Variants in PVT1 observed in about 807,000 individuals in gnomAD.
The protein encoded by PVT1 is Pvt1 oncogene.
intron 2 of PVT1, among the ~76,000 whole-genome samples, chr8:127,822,512 G>T (rs1056702036): frequency 6.6e-5 from 10 of 152,196 alleles, no homozygotes; most frequent in African/African-American, 2.2e-4. Context: ...GGGAGGTGGA[G>T]GTTGCAGTGA....
Position 127,849,508 on chromosome 8 carries a change from A to C in PVT1, n.373-41081A>C, listed in dbSNP as rs191700791. On this transcript the variant is annotated intron_variant and non_coding_transcript_variant, in intron 2 of 10. Transcript: ENST00000651587. ...AAACTCCTAGGGCCTTGCCGTTCCT[A>C]TGAAGTGGTAGCTATCATTCACACT... 3.2e-3 allele frequency among the ~76,000 whole-genome samples: 487 copies of C among 152,338 alleles called. 1 individual carries two copies. Among genetic ancestry groups the C allele is most frequent in the African/African-American group, 0.011 (470 of 41,572 alleles).
chr8:127,953,271 C>G (rs1405311726), intron 3 of PVT1, among the ~76,000 whole-genome samples: 2 of 152,112 alleles, frequency 1.3e-5, no homozygotes, highest in Non-Finnish European at 2.9e-5. Flanking sequence ...GGGAGATCAC[C>G]CTACTGCAAC....
intron 4 of PVT1, among the ~76,000 whole-genome samples, chr8:128,056,784 T>C (rs1463037920): frequency 6.6e-6 from 1 of 152,192 alleles, no homozygotes; most frequent in Non-Finnish European, 1.5e-5. Flanking sequence ...ATTTCACGAG[T>C]TGCTCCGGGG....
intron 2 of PVT1, among the ~76,000 whole-genome samples, chr8:127,801,770 C>T (rs1279181382): frequency 6.6e-6 from 1 of 152,002 alleles, no homozygotes; most frequent in Non-Finnish European, 1.5e-5. Flanking sequence ...AAACTGTGCT[C>T]TCCATATGGT....
rs112113829 is a variant in PVT1, at chr8:127,898,179, T to C, written n.782+7181T>C. ...TCTGAACCTGAGTGAAGAAATATACTCTGTCCTTTGTACCTGCGTGAAGAA... is the reference window on the plus strand; with the variant it reads ...TCTGAACCTGAGTGAAGAAATATACCCTGTCCTTTGTACCTGCGTGAAGAA... On this transcript the variant is annotated intron_variant and non_coding_transcript_variant, in intron 3 of 10. Transcript: ENST00000651587. The surrounding 1 kb of genome is among the most constrained non-coding windows in gnomAD (Gnocchi z 4.4). Among the ~76,000 whole-genome samples, 1 of 145,692 alleles carries C rather than the reference T, an allele frequency of 6.9e-6. No homozygotes were observed. The highest frequency in any genetic ancestry group is 2.2e-4 in the South Asian group (1 of 4,570).
At chr8:128,080,256 G>T (rs1031596722) in intron 5 of PVT1, among the ~76,000 whole-genome samples, 2 of 152,150 alleles carry the variant, frequency 1.3e-5, no homozygotes, top group African/African-American at 4.8e-5. Flanking sequence ...AAATATCAAG[G>T]TGTTCTGTTG....
intron 4 of PVT1, among the ~76,000 whole-genome samples, chr8:128,006,221 A>T (rs367871927): frequency 5.7e-4 from 87 of 151,678 alleles, no homozygotes; most frequent in African/African-American, 2.1e-3. Flanking sequence ...CAGCAATCCC[A>T]CTTCTCGGAG....
intron 2 of PVT1, among the ~76,000 whole-genome samples, chr8:127,801,361 C>T (rs999356156): frequency 6.6e-6 from 1 of 152,120 alleles, no homozygotes; most frequent in Non-Finnish European, 1.5e-5. Context: ...TACACCTCAG[C>T]CTCCTGAGTA....
chr8:127,983,247 A>G (rs1816905303), intron 3 of PVT1, among the ~76,000 whole-genome samples: 1 of 152,208 alleles, frequency 6.6e-6, no homozygotes, highest in South Asian at 2.1e-4. Context: ...CATGGGCTGT[A>G]GGAACAGTAG....
intron 4 of PVT1, among the ~76,000 whole-genome samples, chr8:128,041,441 G>A (rs1813538833): frequency 6.6e-6 from 1 of 150,782 alleles, no homozygotes; most frequent in South Asian, 2.1e-4. Context: ...GTGTGCATGT[G>A]TATGTGTTTG....
At chr8:127,833,947 G>C (rs1814881244) in intron 2 of PVT1, among the ~76,000 whole-genome samples, 2 of 152,130 alleles carry the variant, frequency 1.3e-5, no homozygotes, top group Admixed American at 1.3e-4. Flanking sequence ...TTAGGATGAG[G>C]CCTGAGAATT....
intron 2 of PVT1, among the ~76,000 whole-genome samples, chr8:127,890,305 A>G (rs1421679022): frequency 6.6e-6 from 1 of 152,168 alleles, no homozygotes; most frequent in Non-Finnish European, 1.5e-5. Flanking sequence ...TCTCAACTTT[A>G]TAATGGATGC....
At chr8:128,048,650 T>A (rs910215796) in intron 4 of PVT1, 4 of 152,364 alleles carry the variant, frequency 2.6e-5, no homozygotes, top group African/African-American at 9.6e-5. Context: ...CGCTCCAGCA[T>A]GGCTGCCTGT....
intron 4 of PVT1, among the ~76,000 whole-genome samples, chr8:127,998,690 T>A (rs961925408): frequency 6.7e-6 from 1 of 150,122 alleles, no homozygotes; most frequent in Non-Finnish European, 1.5e-5. Flanking sequence ...CCTTCCTCTT[T>A]TCTTTCTTCT....
intron 4 of PVT1, among the ~76,000 whole-genome samples, chr8:128,041,564 TTTTGTGTGTGTG>T (rs1813544495): frequency 6.7e-6 from 1 of 148,538 alleles, no homozygotes; most frequent in African/African-American, 2.5e-5. Flanking sequence ...TATGTGTGTA[TTTTGTGTGTGTG>T]TTTGTGTGTG....
intron 5 of PVT1, among the ~76,000 whole-genome samples, chr8:128,086,673 G>A (rs1216757904): frequency 6.6e-6 from 1 of 152,226 alleles, no homozygotes; most frequent in Non-Finnish European, 1.5e-5. Flanking sequence ...ACTTTGTTCA[G>A]TATGGGTTTT....
At chr8:128,041,196 CGTGTGTTTGCATGTGTGTTTGT>C (rs1813529564) in intron 4 of PVT1, among the ~76,000 whole-genome samples, 1 of 134,226 alleles carries the variant, frequency 7.5e-6, no homozygotes, top group East Asian at 2.4e-4. Context: ...TGCTTGTGTT[CGTGTGTTTGCATGTGTGTTTGT>C]GTGTGTGCAT....
At chr8:127,812,962 G>A (rs1316479214) in intron 2 of PVT1, among the ~76,000 whole-genome samples, 1 of 152,008 alleles carries the variant, frequency 6.6e-6, no homozygotes, top group East Asian at 1.9e-4. Flanking sequence ...GAGGCACAGA[G>A]TGAGAGAAAG....
At chr8:128,087,788 T>C in intron 5 of PVT1, among the ~76,000 whole-genome samples, 1 of 148,320 alleles carries the variant, frequency 6.7e-6, no homozygotes, top group Non-Finnish European at 1.5e-5. Context: ...AGTCTCGTTC[T>C]GTCTCCCAGG....
Sources: allele counts gnomAD v4.1 joint callset (sites outside exome capture counted in the v4.1 genomes callset), GRCh38; gene constraint gnomAD v4.1.1; non-coding constraint Gnocchi (gnomAD v3.1); transcripts MANE v1.5; gene names NCBI Gene and HGNC (gene_info 2026-07-23, HGNC 2026-07-21).